Variants in SIPA1L2 observed in about 807,000 individuals in gnomAD.
The protein encoded by SIPA1L2 is signal induced proliferation associated 1 like 2.
In SIPA1L2, 56 loss-of-function variants were observed where a neutral mutation model predicts 163.9. That is an observed-to-expected ratio of 0.34 (90% CI 0.28 to 0.43). The LOEUF is 0.43. SIPA1L2 is among the 20% of genes least tolerant of loss of function. The pLI is 1.00. For synonymous variants in SIPA1L2, 877 were observed against 865.7 expected (o/e 1.01, Z -0.23); for missense variants, 1,974 against 2,193.5 (o/e 0.90, Z 2.00).
At chr1:232,617,918 A>G (rs533968254) in intron 1 of SIPA1L2, among the ~76,000 whole-genome samples, 1 of 115,524 alleles carries the variant, frequency 8.7e-6, no homozygotes, top group East Asian at 2.4e-4. Context: ...AAGTGTAAAA[A>G]GTGTGCAACT....
intron 2 of SIPA1L2, among the ~76,000 whole-genome samples, chr1:232,517,828 C>T (rs1216958379): frequency 6.6e-6 from 1 of 152,120 alleles, no homozygotes; most frequent in African/African-American, 2.4e-5. Flanking sequence ...ATCGCTTGAG[C>T]CCAGGAATTT....
intron 3 of SIPA1L2, among the ~76,000 whole-genome samples, chr1:232,509,519 C>T (rs1666884299): frequency 6.6e-6 from 1 of 152,180 alleles, no homozygotes; most frequent in Non-Finnish European, 1.5e-5. Context: ...ATCTCAAAAA[C>T]ATCGTTATCT....
chr1:232,404,084 T>A (rs1449857805), intron 20 of SIPA1L2, 41 bp downstream of exon 20: 4 of 1,610,514 alleles, frequency 2.5e-6, no homozygotes, highest in Non-Finnish European at 3.4e-6. Context: ...CAGAAAAGGT[T>A]ACAGGATATC....
At chr1:232,497,476 A>C (rs1467782383) in intron 3 of SIPA1L2, among the ~76,000 whole-genome samples, 2 of 151,892 alleles carry the variant, frequency 1.3e-5, no homozygotes, top group Non-Finnish European at 2.9e-5. Context: ...TCCTCAAGTC[A>C]TCATCCTTCT....
intron 1 of SIPA1L2, among the ~76,000 whole-genome samples, chr1:232,616,458 C>A (rs1662501893): frequency 6.6e-6 from 1 of 152,210 alleles, no homozygotes; most frequent in Non-Finnish European, 1.5e-5. Flanking sequence ...CCCTTCTGGG[C>A]CAGCCCTTTA....
At chr1:232,579,551 A>G (rs1660261168) in intron 1 of SIPA1L2, among the ~76,000 whole-genome samples, 2 of 152,228 alleles carry the variant, frequency 1.3e-5, no homozygotes, top group Non-Finnish European at 2.9e-5. Context: ...CTGCTGAAGG[A>G]AGAACACAGC....
chr1:232,548,055 G>C lies in SIPA1L2; in HGVS notation c.-270+26119C>G, dbSNP rs549863353. Among the ~76,000 whole-genome samples the C allele has an allele frequency of 2.0e-5, 3 of 152,240 alleles. No homozygotes were observed. In the East Asian group the frequency reaches 5.8e-4, roughly 29 times the overall value. The stretch of plus-strand genomic sequence containing the variant: ...CAGTCTTCTCAAATGCTAATCCCAA[G>C]AACAAGTAGAAAGCCAATTTTCTGG... On this transcript the variant is annotated intron_variant, in intron 2 of 22. Coordinates refer to ENST00000674635, the MANE Select transcript of SIPA1L2 (RefSeq NM_020808.5).
intron 15 of SIPA1L2, among the ~76,000 whole-genome samples, chr1:232,435,609 G>A (rs1469756735): frequency 6.6e-6 from 1 of 152,180 alleles, no homozygotes; most frequent in Non-Finnish European, 1.5e-5. Context: ...GCCATTTACA[G>A]GAGAATCCAG....
At chr1:232,508,519 A>G (rs532003683) in intron 3 of SIPA1L2, among the ~76,000 whole-genome samples, 1 of 152,328 alleles carries the variant, frequency 6.6e-6, no homozygotes, top group South Asian at 2.1e-4. Flanking sequence ...AAGGAGGCAA[A>G]GCCTGCTGCT....
chr1:232,594,874 T>A (rs1056441263), intron 1 of SIPA1L2, among the ~76,000 whole-genome samples: 1 of 152,192 alleles, frequency 6.6e-6, no homozygotes, highest in East Asian at 1.9e-4. Flanking sequence ...CCACTGCGGC[T>A]ACACTGTACC....
chr1:232,472,379 A>G (rs1176788034), intron 7 of SIPA1L2, among the ~76,000 whole-genome samples: 1 of 152,254 alleles, frequency 6.6e-6, no homozygotes, highest in Non-Finnish European at 1.5e-5. Context: ...ATGAGGGCAC[A>G]GAAGTGTCAT....
intron 7 of SIPA1L2, among the ~76,000 whole-genome samples, chr1:232,476,228 C>T (rs1473607541): frequency 6.6e-6 from 1 of 152,122 alleles, no homozygotes; most frequent in Non-Finnish European, 1.5e-5. Context: ...AATACAACAT[C>T]ATTACCTCTT....
chr1:232,458,748 T>G (rs1664065340), intron 10 of SIPA1L2, among the ~76,000 whole-genome samples: 1 of 152,198 alleles, frequency 6.6e-6, no homozygotes, highest in South Asian at 2.1e-4. Flanking sequence ...TTCTAACAAA[T>G]GCTGGAAAAT....
chr1:232,424,339 A>G (rs1661761928), intron 18 of SIPA1L2, among the ~76,000 whole-genome samples: 1 of 149,844 alleles, frequency 6.7e-6, no homozygotes, highest in East Asian at 1.9e-4. Flanking sequence ...AAAAAAAAAA[A>G]AAAAAAAAAA....
chr1:232,466,785 C>T (rs1443887049), intron 8 of SIPA1L2, among the ~76,000 whole-genome samples: 1 of 151,778 alleles, frequency 6.6e-6, no homozygotes, highest in African/African-American at 2.4e-5. Flanking sequence ...AGCAAGACTC[C>T]GTCTCAAAAA....
Position 232,626,268 on chromosome 1 carries a change from C to T in SIPA1L2, c.-319+3601G>A, listed in dbSNP as rs1195475688. On this transcript the variant is annotated intron_variant, in intron 1 of 22. Coordinates refer to ENST00000674635, the MANE Select transcript of SIPA1L2 (RefSeq NM_020808.5). ...TTTTCATTTTACAGGTAGACGAAAA[C>T]AAAAGGTATAGGAACAACATGACGA... is the stretch of plus-strand genomic sequence containing the variant. 4.0e-5 allele frequency among the ~76,000 whole-genome samples: 4 copies of T among 101,014 alleles called. No individual in the cohort carries two copies. The Admixed American group carries it at 4.9e-4, about 12-fold the overall frequency. 66.3% of individuals were successfully genotyped at this position (101,014 alleles called of 152,430 possible). A position where few individuals can be genotyped will look rare whatever the true frequency, so the allele number is the denominator to read the frequency against.
chr1:232,500,093 T>C (rs1666390577), intron 3 of SIPA1L2, among the ~76,000 whole-genome samples: 1 of 152,208 alleles, frequency 6.6e-6, no homozygotes. Context: ...TTCTCCTGCC[T>C]CAGCCTCCCT....
chr1:232,499,240 A>G (rs1216701618), intron 3 of SIPA1L2, among the ~76,000 whole-genome samples: 1 of 152,250 alleles, frequency 6.6e-6, no homozygotes, highest in African/African-American at 2.4e-5. Context: ...CTTAGTGAGG[A>G]AGGCATGTCA....
intron 7 of SIPA1L2, among the ~76,000 whole-genome samples, chr1:232,477,607 C>G (rs1034916684): frequency 3.9e-5 from 6 of 152,290 alleles, no homozygotes; most frequent in Non-Finnish European, 7.3e-5. Flanking sequence ...GGAAGTTTAA[C>G]ACACACACAT....
Sources: allele counts gnomAD v4.1 joint callset (sites outside exome capture counted in the v4.1 genomes callset), GRCh38; gene constraint gnomAD v4.1.1; transcripts MANE v1.5; gene names NCBI Gene and HGNC (gene_info 2026-07-23, HGNC 2026-07-21).